Variants in RBM20 observed in about 807,000 individuals in gnomAD.
RBM20 encodes the protein RNA-binding protein 20.
Under a neutral mutation model 110.1 loss-of-function variants are expected in RBM20, and 51 were observed. That is an observed-to-expected ratio of 0.46 (90% CI 0.37 to 0.59). The LOEUF (loss-of-function observed/expected upper bound fraction) is 0.59, where lower values mean the gene tolerates loss of function less well. Ranked by LOEUF, RBM20 falls within the 20% of genes least tolerant of loss-of-function variation. RBM20 has a pLI of 0.00. For missense variants in RBM20, 1,512 were observed against 1,574.9 expected, an observed-to-expected ratio of 0.96 and a Z score of 0.68; for synonymous variants, 589 against 618.2, an observed-to-expected ratio of 0.95 and a Z score of 0.70.
intron 11 of RBM20, 121 bp downstream of exon 11, chr10:110,822,056 G>A (rs1280943338): frequency 1.0e-6 from 1 of 991,426 alleles, no homozygotes; most frequent in Non-Finnish European, 1.5e-6. Context: ...CATTAAAGTG[G>A]GTGCAGAAAG....
At chr10:110,737,886 G>C (rs1246405141) in intron 1 of RBM20, among the ~76,000 whole-genome samples, 5 of 152,166 alleles carry the variant, frequency 3.3e-5, no homozygotes, top group Admixed American at 1.3e-4. Flanking sequence ...GTCTTTTGGA[G>C]AACATATGTA....
intron 1 of RBM20, among the ~76,000 whole-genome samples, chr10:110,717,724 C>T (rs897606910): frequency 4.6e-5 from 7 of 152,194 alleles, no homozygotes; most frequent in Non-Finnish European, 8.8e-5. Context: ...ATCCCTCTTC[C>T]TCTGGTTTTG....
At chr10:110,831,681 A>AAAAAAAAAAAC (rs1564668233) in intron 13 of RBM20, among the ~76,000 whole-genome samples, 9 of 146,002 alleles carry the variant, frequency 6.2e-5, no homozygotes, top group Non-Finnish European at 1.1e-4. Context: ...AAAAAAAAAA[A>AAAAAAAAAAAC]AAAAAAAAAA....
At position 110,767,186 on chromosome 10, in the gene RBM20, A is replaced by G. The variant is rs532336661; in HGVS notation, c.192-13615A>G. 7.7e-3 allele frequency among the ~76,000 whole-genome samples: 613 copies of G among 80,114 alleles called. 7 individuals are homozygous for G. Among genetic ancestry groups the G allele is most frequent in the Non-Finnish European group, 9.7e-3 (365 of 37,522 alleles). 52.6% of individuals were successfully genotyped at this position (80,114 alleles called of 152,430 possible). A position where few individuals can be genotyped will look rare whatever the true frequency, so the allele number is the denominator to read the frequency against. On this transcript the variant is annotated intron_variant, in intron 1 of 13. Transcript: ENST00000369519. ...GGCTGACCCCCCCCACCTCCCTCCC[A>G]GACGGGGCGGCTGGCCGGGCGGGGG...
chr10:110,655,492 G>A lies in RBM20; in HGVS notation c.191+10847G>A, dbSNP rs1030345914. Among the ~76,000 whole-genome samples the A allele has an allele frequency of 2.0e-5, 3 of 152,242 alleles. No homozygotes were observed. In the East Asian group the frequency reaches 5.8e-4, roughly 29 times the overall value. On this transcript the variant is annotated intron_variant, in intron 1 of 13. Coordinates refer to ENST00000369519, the MANE Select transcript of RBM20 (RefSeq NM_001134363.3). ...CATGTGCTAAAATAATAACAGACAC[G>A]ATAGTTTGATTTGCAAAGTGTGTCT...
At chr10:110,829,615 AT>A (rs1214810789) in intron 12 of RBM20, among the ~76,000 whole-genome samples, 2 of 152,080 alleles carry the variant, frequency 1.3e-5, no homozygotes, top group African/African-American at 4.8e-5. Context: ...CTATTTTGAA[AT>A]GAAAAAAAAG....
Position 110,797,725 on chromosome 10 carries a change from A to G in RBM20, c.1668+77A>G. Reference sequence around the variant, plus strand: ...TGAAAGGGAACGATATAATTTTTGAAAGAAGCCATTCTTAACATAAAGAGG... The same window carrying G: ...TGAAAGGGAACGATATAATTTTTGAGAGAAGCCATTCTTAACATAAAGAGG... On this transcript the variant is annotated intron_variant, in intron 6 of 13. Coordinates refer to ENST00000369519, the MANE Select transcript of RBM20 (RefSeq NM_001134363.3). 1.4e-6 allele frequency: 2 copies of G among 1,448,270 alleles called. 1 individual carries two copies. The highest frequency in any genetic ancestry group is 2.5e-5 in the South Asian group (2 of 78,752). The allele number at this position is 1,448,270 out of a possible 1,614,324, so 89.7% of individuals were successfully genotyped here.
In RBM20 at chr10:110,823,467, T is replaced by G; in HGVS notation, c.3317-13T>G. ...TTTTTTTTTTTTTTTTTGCCTTGGTTCATGTTTTGCAGAAAACTCCAGGTA... is the reference window on the plus strand; with the variant it reads ...TTTTTTTTTTTTTTTTTGCCTTGGTGCATGTTTTGCAGAAAACTCCAGGTA... On this transcript the variant is annotated splice_polypyrimidine_tract_variant and intron_variant, in intron 11 of 13. Transcript: ENST00000369519. 6.8e-7 allele frequency: 1 copy of G among 1,477,550 alleles called. No individual in the cohort carries two copies. The highest frequency in any genetic ancestry group is 1.8e-4 in the Middle Eastern group (1 of 5,550). The allele number at this position is 1,477,550 out of a possible 1,614,324, so 91.5% of individuals were successfully genotyped here.
chr10:110,718,364 T>A (rs1040382295), intron 1 of RBM20, among the ~76,000 whole-genome samples: 4 of 152,328 alleles, frequency 2.6e-5, no homozygotes, highest in African/African-American at 9.6e-5. Context: ...GAGGGCTCCA[T>A]GCTTCCCCAC....
At chr10:110,728,640 T>C (rs1843588967) in intron 1 of RBM20, among the ~76,000 whole-genome samples, 1 of 152,208 alleles carries the variant, frequency 6.6e-6, no homozygotes, top group Non-Finnish European at 1.5e-5. Flanking sequence ...GGTGTGTTTT[T>C]GCCCAATCAT....
Position 110,781,192 on chromosome 10 carries a change from G to A in RBM20, c.583G>A (p.Val195Met). ...NLPNQPPSAM[V>M]MHPFTGVMPQ... Reference sequence around the variant, plus strand: ...TCCCAACCAGCCACCCAGTGCCATGGTGATGCATCCTTTCACTGGGGTAAT... The same window carrying A: ...TCCCAACCAGCCACCCAGTGCCATGATGATGCATCCTTTCACTGGGGTAAT... Residue 195 changes from valine (V) to methionine (M), a missense_variant, in exon 2 of 14, where the codon GTG (valine) becomes ATG (methionine). Val to Met is a conservative substitution (Grantham distance 21). Around this residue, in one of 3 missense-constraint regions of RBM20, gnomAD observed 1,149 missense variants for 1,169.4 expected, o/e 0.98. Transcript: ENST00000369519. The A allele has an allele frequency of 6.4e-7, 1 of 1,551,650 alleles. No individual in the cohort carries two copies. The highest frequency in any genetic ancestry group is 8.7e-7 in the Non-Finnish European group (1 of 1,146,996).
At position 110,802,660 on chromosome 10, in the gene RBM20, A is replaced by G. The variant is rs183763691; in HGVS notation, c.1800+2742A>G. The stretch of plus-strand genomic sequence containing the variant: ...TGAGGGAGATAGTTTGGGGTGGTGC[A>G]AAAAACATGGGTTAAAGAGGTCAGA... On this transcript the variant is annotated intron_variant, in intron 7 of 13. Transcript: ENST00000369519. 6.6e-3 allele frequency among the ~76,000 whole-genome samples: 1,010 copies of G among 152,362 alleles called. 12 individuals carry two copies. Among genetic ancestry groups the G allele is most frequent in the Non-Finnish European group, 8.7e-3 (590 of 68,028 alleles).
rs375915143 is a variant in RBM20, at chr10:110,833,770, A to C, written c.3574-2098A>C. ...AGTTCTCAAGTGCATTGGGGTAGAC[A>C]TTGGTTAAGCCCCTCGTGCCAGCCA... is the stretch of plus-strand genomic sequence containing the variant. On this transcript the variant is annotated intron_variant, in intron 13 of 13. Transcript: ENST00000369519. Among the ~76,000 whole-genome samples the C allele has an allele frequency of 1.8e-3, 273 of 152,326 alleles. 6 individuals carry two copies. The South Asian group carries it at 0.054, about 30-fold the overall frequency.
intron 5 of RBM20, 39 bp from the exon 6 acceptor site, chr10:110,797,469 C>A: frequency 6.7e-7 from 1 of 1,482,106 alleles, no homozygotes; most frequent in Non-Finnish European, 9.0e-7. Context: ...AAAAGGGAAC[C>A]GTCTTCTGAA....
At chr10:110,687,423 A>G (rs1862521649) in intron 1 of RBM20, among the ~76,000 whole-genome samples, 2 of 152,202 alleles carry the variant, frequency 1.3e-5, no homozygotes, top group South Asian at 4.1e-4. Context: ...GATTTTACGC[A>G]TTATTAGAGA....
chr10:110,658,382 C>A (rs972236059), intron 1 of RBM20, among the ~76,000 whole-genome samples: 6 of 152,194 alleles, frequency 3.9e-5, no homozygotes, highest in Non-Finnish European at 1.5e-5. Flanking sequence ...CACTTTGTTT[C>A]CTTCTAGGTT....
At chr10:110,733,827 G>A (rs1224420560) in intron 1 of RBM20, among the ~76,000 whole-genome samples, 1 of 152,208 alleles carries the variant, frequency 6.6e-6, no homozygotes, top group Non-Finnish European at 1.5e-5. Flanking sequence ...TAATGGACAT[G>A]TTTTATCCCC....
chr10:110,683,777 A>G (rs1862457670), intron 1 of RBM20, among the ~76,000 whole-genome samples: 1 of 152,212 alleles, frequency 6.6e-6, no homozygotes, highest in Non-Finnish European at 1.5e-5. Context: ...AATAGGAGAA[A>G]CTTCTATTTC....
intron 7 of RBM20, among the ~76,000 whole-genome samples, chr10:110,803,922 A>T (rs982168414): frequency 6.6e-6 from 1 of 150,400 alleles, no homozygotes; most frequent in Admixed American, 6.7e-5. Context: ...AGAGACCCTC[A>T]TTAGGACTTG....
Sources: allele counts gnomAD v4.1 joint callset (sites outside exome capture counted in the v4.1 genomes callset), GRCh38; gene constraint gnomAD v4.1.1; regional missense constraint gnomAD v4.1.1; transcripts MANE v1.5; gene names NCBI Gene and HGNC (gene_info 2026-07-23, HGNC 2026-07-21).